GGTA1: variants seen among roughly 807,000 people sequenced by gnomAD.
GGTA1 encodes the protein glycoprotein alpha-galactosyltransferase 1 (inactive).
GGTA1 carries 5 observed loss-of-function variants against 2.6 expected under a neutral mutation model. The ratio of observed to expected loss-of-function variants is 1.92; its 90% CI spans 1.00 to 4.04. The LOEUF (loss-of-function observed/expected upper bound fraction) is 4.04, where lower values mean the gene tolerates loss of function less well. GGTA1 is among the 30% of genes most tolerant of loss of function. GGTA1 has a pLI of 0.00. For synonymous variants in GGTA1, 17 were observed against 5.0 expected (o/e 3.38, Z -3.19); for missense variants, 50 against 16.7 (o/e 2.99, Z -3.47).
exon 8 of GGTA1, chr9:121,445,785 A>T (rs2064849549): frequency 6.6e-6 from 1 of 152,304 alleles, no homozygotes; most frequent in African/African-American, 2.4e-5. Context: ...AGGTTACTTG[A>T]TGGGAGGGCT....
At chr9:121,482,254 G>A (rs2118740300) in intron 1 of GGTA1, among the ~76,000 whole-genome samples, 1 of 152,062 alleles carries the variant, frequency 6.6e-6, no homozygotes, top group Admixed American at 6.5e-5. Context: ...GATCCCTTGA[G>A]CCCAGGAGAT....
In GGTA1 at chr9:121,499,713, C is replaced by T. The variant is rs1829065503; in HGVS notation, c.-73G>A. The T allele has an allele frequency of 6.6e-6, 1 of 151,962 alleles. No individual in the cohort carries two copies. The highest frequency in any genetic ancestry group is 2.1e-4 in the South Asian group (1 of 4,830). 9.4% of individuals were successfully genotyped at this position (151,962 alleles called of 1,614,324 possible). Reference sequence around the variant, plus strand: ...GTGAGCTGGGCTGAGCAGGACCGCGCCCAGCTCCCGGCCCCGGCGAAGCCC... The same window carrying T: ...GTGAGCTGGGCTGAGCAGGACCGCGTCCAGCTCCCGGCCCCGGCGAAGCCC... On this transcript the variant is annotated 5_prime_UTR_variant, in exon 1 of 6. Coordinates refer to ENST00000481799, the MANE Select transcript of GGTA1 (RefSeq NM_001382585.1).
chr9:121,487,242 T>C (rs1248767602), intron 1 of GGTA1, among the ~76,000 whole-genome samples: 1 of 152,088 alleles, frequency 6.6e-6, no homozygotes, highest in Non-Finnish European at 1.5e-5. Context: ...TTGTCCTGGG[T>C]TGATCTCTGT....
intron 1 of GGTA1, among the ~76,000 whole-genome samples, chr9:121,488,850 A>C (rs1828815159): frequency 6.6e-6 from 1 of 152,202 alleles, no homozygotes; most frequent in African/African-American, 2.4e-5. Context: ...CAGAGGTTGC[A>C]GTGAGCTGAG....
At chr9:121,478,740 C>T (rs577410891) in intron 1 of GGTA1, among the ~76,000 whole-genome samples, 11 of 152,194 alleles carry the variant, frequency 7.2e-5, no homozygotes, top group African/African-American at 1.2e-4. Flanking sequence ...TCAAATGGAA[C>T]GACCTGTTCT....
chr9:121,470,870 A>G (rs1328839574), intron 1 of GGTA1, among the ~76,000 whole-genome samples: 1 of 152,248 alleles, frequency 6.6e-6, no homozygotes, highest in Non-Finnish European at 1.5e-5. Flanking sequence ...AGGGAGACTG[A>G]TTTGAGTAAT....
At chr9:121,449,322 A>G (rs2064866926) in intron 7 of GGTA1, among the ~76,000 whole-genome samples, 1 of 152,226 alleles carries the variant, frequency 6.6e-6, no homozygotes, top group Non-Finnish European at 1.5e-5. Flanking sequence ...AAGGAGTACG[A>G]TTGCTGGATC....
At chr9:121,466,296 A>C (rs1381160844) in intron 2 of GGTA1, among the ~76,000 whole-genome samples, 1 of 152,174 alleles carries the variant, frequency 6.6e-6, no homozygotes, top group African/African-American at 2.4e-5. Flanking sequence ...GGAGCAGCCT[A>C]GCTCTAGAGT....
At chr9:121,487,332 C>T (rs1158664768) in intron 1 of GGTA1, among the ~76,000 whole-genome samples, 1 of 152,004 alleles carries the variant, frequency 6.6e-6, no homozygotes, top group East Asian at 1.9e-4. Context: ...AATCCCAGCA[C>T]TTTGGGAGGC....
chr9:121,468,000 T>C, intron 1 of GGTA1, 69 bp from the exon 2 acceptor site: 2 of 424,740 alleles, frequency 4.7e-6, no homozygotes, highest in South Asian at 3.4e-5. Context: ...AGGCAGTTTT[T>C]AAAAAATGCT....
chr9:121,492,116 G>A (rs946856238), intron 1 of GGTA1, among the ~76,000 whole-genome samples: 4 of 152,202 alleles, frequency 2.6e-5, no homozygotes, highest in African/African-American at 4.8e-5. Flanking sequence ...TCTGGAACAG[G>A]TACCTCTTCT....
chr9:121,494,404 T>C (rs1484822058), intron 1 of GGTA1: 1 of 152,250 alleles, frequency 6.6e-6, no homozygotes, highest in Non-Finnish European at 1.5e-5. Context: ...GTCTGTGGTC[T>C]CCTCGCCACA....
intron 1 of GGTA1, among the ~76,000 whole-genome samples, chr9:121,469,211 T>G (rs1828326968): frequency 6.6e-6 from 1 of 151,886 alleles, no homozygotes; most frequent in South Asian, 2.1e-4. Flanking sequence ...TAGGTAAAAG[T>G]AAAGTCGAGT....
At chr9:121,452,964 C>T (rs755192599), downstream of GGTA1, among the ~76,000 whole-genome samples, 4 of 152,172 alleles carry the variant, frequency 2.6e-5, no homozygotes, top group Non-Finnish European at 5.9e-5. Context: ...CTAGTAGCAC[C>T]TTTGGGTGTT....
In GGTA1 at chr9:121,463,316, A is replaced by G. The variant is rs756938349; in HGVS notation, c.93T>C (p.Ser31=). 1 of 452,472 alleles carries G rather than the reference A, an allele frequency of 2.2e-6. No homozygotes were observed. Among genetic ancestry groups the G allele is most frequent in the South Asian group, 1.6e-5 (1 of 63,422 alleles). 28.0% of individuals were successfully genotyped at this position (452,472 alleles called of 1,614,324 possible). ...ACTTTGAGTGATATATCCACAAGAA[A>G]GAGCCTTCTGTGCTAAAAGCAAAAA... ...FWEFINSTEG[S]FLWIYHSKNP... Residue 31 remains serine (S), a synonymous_variant, in exon 3 of 6, where the codon TCT becomes TCC. Transcript: ENST00000481799.
intron 2 of GGTA1, 84 bp from the exon 3 acceptor site, chr9:121,463,412 G>A (rs572102006): frequency 1.9e-5 from 8 of 421,720 alleles, no homozygotes; most frequent in Admixed American, 2.9e-5. Context: ...CACTGAGCCC[G>A]GGGCTGAGCT....
chr9:121,455,986 T>C (rs2064908376), intron 5 of GGTA1, 145 bp from the exon 6 acceptor site: 1 of 369,692 alleles, frequency 2.7e-6, no homozygotes, highest in African/African-American at 2.1e-5. Flanking sequence ...AGCCTGAAAA[T>C]GCAGGCAGCT....
chr9:121,456,732 T>A (rs545504808), intron 5 of GGTA1, among the ~76,000 whole-genome samples: 5 of 152,134 alleles, frequency 3.3e-5, no homozygotes, highest in African/African-American at 9.7e-5. Context: ...ATTAAAATTC[T>A]ATGAATCATG....
intron 1 of GGTA1, among the ~76,000 whole-genome samples, chr9:121,480,875 C>T (rs1049437660): frequency 4.6e-5 from 7 of 152,182 alleles, no homozygotes; most frequent in South Asian, 2.1e-4. Context: ...CATAGTTGGC[C>T]GGGTGCAGTG....
Sources: gnomAD v4.1 joint callset for allele counts (sites outside exome capture counted in the v4.1 genomes callset) on GRCh38, gnomAD v4.1.1 for gene constraint, MANE v1.5 for transcripts, NCBI Gene and HGNC (gene_info 2026-07-23, HGNC 2026-07-21) for gene names.